Variants in GPD2 observed in about 807,000 individuals in gnomAD.
GPD2 encodes glycerol-3-phosphate dehydrogenase, mitochondrial.
GPD2 carries 54 observed loss-of-function variants against 82.4 expected under a neutral mutation model. The ratio of observed to expected loss-of-function variants is 0.66; its 90% confidence interval spans 0.53 to 0.82. The LOEUF (loss-of-function observed/expected upper bound fraction) is 0.82, where lower values mean the gene tolerates loss of function less well. Ranked by LOEUF, GPD2 falls within the 40% of genes least tolerant of loss-of-function variation. GPD2 has a pLI of 0.00. For synonymous variants in GPD2, 288 were observed against 306.1 expected, an observed-to-expected ratio of 0.94 and a Z score of 0.62; for missense variants, 748 against 896.2, an observed-to-expected ratio of 0.83 and a Z score of 2.11.
At chr2:156,545,311 C>T (rs2105328077) in intron 6 of GPD2, among the ~76,000 whole-genome samples, 1 of 152,292 alleles carries the variant, frequency 6.6e-6, no homozygotes, top group Admixed American at 6.5e-5. Flanking sequence ...AGAGAGGTCA[C>T]TGTGACACTC....
chr2:156,558,765 CTTTTTTTTTTTTTTTTT>C (rs34524248), intron 9 of GPD2, among the ~76,000 whole-genome samples: 1 of 40,866 alleles, frequency 2.4e-5, no homozygotes, highest in African/African-American at 1.1e-4. Context: ...GCCCAGCTAA[CTTTTTTTTTTTTTTTTT>C]TTTTTTTTTT....
intron 9 of GPD2, among the ~76,000 whole-genome samples, chr2:156,566,999 G>A (rs1365246364): frequency 1.3e-5 from 2 of 151,840 alleles, no homozygotes; most frequent in Admixed American, 6.6e-5. Context: ...TGCTTATTGA[G>A]CATTTGTATA....
intron 6 of GPD2, among the ~76,000 whole-genome samples, chr2:156,514,904 A>G: frequency 6.6e-6 from 1 of 152,142 alleles, no homozygotes; most frequent in East Asian, 1.9e-4. Flanking sequence ...GGGTGATTAT[A>G]GTAAAGAGGT....
chr2:156,485,994 T>C (rs544524236), intron 2 of GPD2, among the ~76,000 whole-genome samples: 3 of 152,238 alleles, frequency 2.0e-5, no homozygotes, highest in Non-Finnish European at 4.4e-5. Context: ...ACTGTTTTTC[T>C]CTTAGAAATA....
rs776890460 is a variant in GPD2, at chr2:156,571,201, C to G, written c.1676C>G (p.Ala559Gly). 5 of 1,608,198 alleles carry G rather than the reference C, an allele frequency of 3.1e-6. No individual in the cohort carries two copies. The highest frequency in any genetic ancestry group is 1.1e-5 in the South Asian group (1 of 91,000). ...ATGATTTCACGTCGTACTCGCCTGG[C>G]CTTTCTAAATGTCCAGGCAGCAGAG... ...VDMISRRTRL[A>G]FLNVQAAEEA... The change falls in exon 13 of 17, where the codon GCC (alanine) becomes GGC (glycine). Residue 559 changes from alanine (A) to glycine (G), a missense_variant. Coordinates refer to ENST00000438166, the MANE Select transcript of GPD2 (RefSeq NM_000408.5).
At chr2:156,455,624 C>T (rs564404738) in intron 1 of GPD2, among the ~76,000 whole-genome samples, 4 of 152,316 alleles carry the variant, frequency 2.6e-5, no homozygotes, top group African/African-American at 9.6e-5. Flanking sequence ...CTCATAGTCA[C>T]TCTGGACATA....
intron 2 of GPD2, among the ~76,000 whole-genome samples, chr2:156,490,434 C>T (rs1342176891): frequency 6.7e-6 from 1 of 150,370 alleles, no homozygotes; most frequent in Non-Finnish European, 1.5e-5. Context: ...AAAGTAGTGT[C>T]AGAAAGTAAA....
rs374233538 is a variant in GPD2 at position 156,502,963 on chromosome 2, T to G, written c.274+6748T>G. ...TTTTCTGCCCTTATTAGATCAGTTT[T>G]GTTTCATGCTCTTTTTCCATACCCT... On this transcript the variant is annotated intron_variant, in intron 3 of 16. Transcript: ENST00000438166. Among the ~76,000 whole-genome samples, 11 of 152,294 alleles carry G rather than the reference T, an allele frequency of 7.2e-5. No homozygotes were observed. In the East Asian group the frequency reaches 1.5e-3, roughly 21 times the overall value.
At chr2:156,573,620 T>C (rs1290660690) in intron 13 of GPD2, among the ~76,000 whole-genome samples, 1 of 152,160 alleles carries the variant, frequency 6.6e-6, no homozygotes, top group Non-Finnish European at 1.5e-5. Flanking sequence ...TGTTTGGCCC[T>C]ACTAAGGAAG....
chr2:156,452,790 G>C (rs1558905854), intron 1 of GPD2, among the ~76,000 whole-genome samples: 1 of 151,704 alleles, frequency 6.6e-6, no homozygotes, highest in Admixed American at 6.6e-5. Context: ...GAAGAGCCAG[G>C]AAGGAAGGGG....
chr2:156,482,565 T>G (rs1016229355), intron 2 of GPD2, among the ~76,000 whole-genome samples: 4 of 152,146 alleles, frequency 2.6e-5, no homozygotes, highest in East Asian at 1.9e-4. Flanking sequence ...TAACTTTTTT[T>G]GGGGGGGATA....
chr2:156,433,416 C>A (rs1688341756), upstream of GPD2, among the ~76,000 whole-genome samples: 1 of 152,128 alleles, frequency 6.6e-6, no homozygotes, highest in Non-Finnish European at 1.5e-5. Context: ...ACTCCTCTGA[C>A]CTTGTGGCCC....
chr2:156,457,045 T>C (rs1682811729), intron 1 of GPD2, among the ~76,000 whole-genome samples: 1 of 152,170 alleles, frequency 6.6e-6, no homozygotes, highest in Non-Finnish European at 1.5e-5. Context: ...AAGGGACACA[T>C]TCTTGAGAAA....
chr2:156,582,525 A>C (rs1335290743), intron 16 of GPD2, among the ~76,000 whole-genome samples: 1 of 151,420 alleles, frequency 6.6e-6, no homozygotes, highest in African/African-American at 2.4e-5. Flanking sequence ...TTAAAGGACA[A>C]AAAATGATGC....
At chr2:156,480,703 A>T (rs1573912002) in intron 2 of GPD2, among the ~76,000 whole-genome samples, 1 of 150,776 alleles carries the variant, frequency 6.6e-6, no homozygotes, top group African/African-American at 2.4e-5. Flanking sequence ...GGATGTGAAA[A>T]TTTTTTTCCC....
At chr2:156,425,915 T>G in the GPD2 span, among the ~76,000 whole-genome samples, 1 of 150,340 alleles carries the variant, frequency 6.7e-6, no homozygotes, top group African/African-American at 2.4e-5. Context: ...ACTGCCGGAG[T>G]CTGGGTACTT....
chr2:156,451,460 G>A (rs1213181992), intron 1 of GPD2, among the ~76,000 whole-genome samples: 1 of 105,772 alleles, frequency 9.5e-6, no homozygotes, highest in East Asian at 3.6e-4. Flanking sequence ...CGGCTGGCCG[G>A]GCGGGGGGCT....
intron 1 of GPD2, among the ~76,000 whole-genome samples, chr2:156,468,243 CCTT>C (rs1683212228): frequency 6.6e-6 from 1 of 152,174 alleles, no homozygotes. Context: ...TGAGCTCACT[CCTT>C]CTTCTGTTTT....
At chr2:156,520,268 T>C (rs2105286176) in intron 6 of GPD2, among the ~76,000 whole-genome samples, 1 of 152,252 alleles carries the variant, frequency 6.6e-6, no homozygotes, top group East Asian at 1.9e-4. Flanking sequence ...TATGAAGTTC[T>C]CATTTAGGGC....
Sources: allele counts gnomAD v4.1 joint callset (sites outside exome capture counted in the v4.1 genomes callset), GRCh38; gene constraint gnomAD v4.1.1; transcripts MANE v1.5; gene names NCBI Gene and HGNC (gene_info 2026-07-23, HGNC 2026-07-21).